SLC26A4: variants seen among roughly 807,000 people sequenced by gnomAD.
SLC26A4 encodes solute carrier family 26 member 4.
Under a neutral mutation model 90.4 loss-of-function variants are expected in SLC26A4, and 93 were observed. The observed-to-expected ratio is 1.03, with a 90% CI of 0.87 to 1.22. The LOEUF (loss-of-function observed/expected upper bound fraction) is 1.22, where lower values mean the gene tolerates loss of function less well. Ranked by LOEUF, SLC26A4 falls within the 50% of genes most tolerant of loss-of-function variation. The probability of loss-of-function intolerance (pLI) is 0.00; values close to 1 mark genes in which losing one functional copy is unlikely to be tolerated. For synonymous variants in SLC26A4, 393 were observed against 354.6 expected, an observed-to-expected ratio of 1.11 and a Z score of -1.22; for missense variants, 1,127 against 946.2, an observed-to-expected ratio of 1.19 and a Z score of -2.51.
intron 19 of SLC26A4, among the ~76,000 whole-genome samples, chr7:107,710,496 A>T (rs1349428934): frequency 6.6e-6 from 1 of 152,226 alleles, no homozygotes; most frequent in African/African-American, 2.4e-5. Context: ...CCTTTTAAGA[A>T]TATTGAATCT....
intron 11 of SLC26A4, 57 bp downstream of exon 11, chr7:107,694,537 C>G (rs1222525930): frequency 6.6e-7 from 1 of 1,520,926 alleles, no homozygotes; most frequent in Non-Finnish European, 9.1e-7. Context: ...TACTCTGCTA[C>G]CAGATAAATA....
chr7:107,665,862 T>A (rs903124194), intron 3 of SLC26A4, among the ~76,000 whole-genome samples: 1 of 152,218 alleles, frequency 6.6e-6, no homozygotes, highest in Non-Finnish European at 1.5e-5. Context: ...TAATCCGGTG[T>A]CTATTGTGTA....
intron 6 of SLC26A4, among the ~76,000 whole-genome samples, chr7:107,676,602 GC>G (rs1404991420): frequency 2.0e-5 from 3 of 152,188 alleles, no homozygotes; most frequent in African/African-American, 7.2e-5. Flanking sequence ...TGTCATCCTA[GC>G]TTGGGGGGAA....
rs542198527 is a variant in SLC26A4 at position 107,666,085 on chromosome 7, G to A, written c.304+2650G>A. On this transcript the variant is annotated intron_variant, in intron 3 of 20. Transcript: ENST00000644269. ...TAACAGGCACAGGTGCTGACTTCAT[G>A]GAGCTTTGTAAAATTATTTTGAGGG... Among the ~76,000 whole-genome samples the A allele has an allele frequency of 2.0e-5, 3 of 152,204 alleles. No individual in the cohort carries two copies. In the South Asian group the frequency reaches 6.2e-4, roughly 32 times the overall value.
intron 18 of SLC26A4, among the ~76,000 whole-genome samples, chr7:107,705,922 C>T (rs969833209): frequency 6.6e-6 from 1 of 152,200 alleles, no homozygotes; most frequent in Non-Finnish European, 1.5e-5. Flanking sequence ...GCATGAGATT[C>T]ATCTCTTGAA....
Position 107,686,443 on chromosome 7 carries a change from T to TTCTTTCTTTCTTTCTTTC in SLC26A4, c.1002-2597_1002-2596insCTTTCTCTTTCTTTCTTT, listed in dbSNP as rs1554358062. On this transcript the variant is annotated intron_variant, in intron 8 of 20. Coordinates refer to ENST00000644269, the MANE Select transcript of SLC26A4 (RefSeq NM_000441.2). Reference sequence around the variant, plus strand: ...TTTCTTTCTTTCTTTCTTTCTTTCTTTCTTTCTTTCTTTTCTTTCTTTCCT... The same window carrying TTCTTTCTTTCTTTCTTTC: ...TTTCTTTCTTTCTTTCTTTCTTTCTTTCTTTCTTTCTTTCTTTCTCTTTCTTTCTTTTCTTTCTTTCCT... 1.0e-4 allele frequency among the ~76,000 whole-genome samples: 15 copies of TTCTTTCTTTCTTTCTTTC among 146,776 alleles called. 1 individual carries two copies. The East Asian group carries it at 2.2e-3, about 22-fold the overall frequency.
chr7:107,683,598 T>A (rs900164734), intron 8 of SLC26A4, 61 bp downstream of exon 8: 3 of 1,314,122 alleles, frequency 2.3e-6, no homozygotes, highest in East Asian at 2.3e-5. Flanking sequence ...CTTTTTTATT[T>A]AAATAAAACC....
intron 3 of SLC26A4, among the ~76,000 whole-genome samples, chr7:107,670,378 A>C (rs1562821798): frequency 6.6e-6 from 1 of 151,888 alleles, no homozygotes; most frequent in Non-Finnish European, 1.5e-5. Context: ...AAGTGCTGGG[A>C]TTACAGGTGT....
chr7:107,698,147 T>C, intron 14 of SLC26A4, 36 bp downstream of exon 14: 1 of 1,355,992 alleles, frequency 7.4e-7, no homozygotes, highest in Non-Finnish European at 1.1e-6. Flanking sequence ...TGGACTTGGG[T>C]TTACTAGCCT....
In SLC26A4 at chr7:107,675,942, T is replaced by C. The variant is rs567810240; in HGVS notation, c.765+833T>C. On this transcript the variant is annotated intron_variant, in intron 6 of 20. Transcript: ENST00000644269. ...AACATTTGGTTGCTTCTGTCAGAAA[T>C]ACTATTGTACTTAAAAACATTAATG... 2.6e-5 allele frequency among the ~76,000 whole-genome samples: 4 copies of C among 152,326 alleles called. No homozygotes were observed. The South Asian group carries it at 8.3e-4, about 32-fold the overall frequency.
intron 6 of SLC26A4, 140 bp downstream of exon 6, chr7:107,675,249 T>C (rs1790990328): frequency 4.0e-6 from 3 of 744,406 alleles, no homozygotes; most frequent in Admixed American, 3.7e-5. Context: ...GCAGATTGCT[T>C]GAGCCCAGGA....
At chr7:107,685,853 GGTGTGTGTGTGTCTGTGTGTATGT>G in intron 8 of SLC26A4, among the ~76,000 whole-genome samples, 1 of 152,122 alleles carries the variant, frequency 6.6e-6, no homozygotes, top group Middle Eastern at 3.4e-3. Flanking sequence ...CTGTTATAGT[GGTGTGTGTGTGTCTGTGTGTATGT>G]GTGTGTGTGT....
At chr7:107,687,019 C>T (rs1300198347) in intron 8 of SLC26A4, among the ~76,000 whole-genome samples, 1 of 152,138 alleles carries the variant, frequency 6.6e-6, no homozygotes, top group Non-Finnish European at 1.5e-5. Flanking sequence ...GGTGCATTTG[C>T]CAAGTGTTCA....
intron 20 of SLC26A4, among the ~76,000 whole-genome samples, chr7:107,713,761 G>A (rs537351342): frequency 3.2e-4 from 48 of 152,100 alleles, no homozygotes; most frequent in African/African-American, 1.1e-3. Context: ...CTAAAGACTG[G>A]GGCATTTTCA....
chr7:107,684,361 A>C (rs1270542636), intron 8 of SLC26A4, among the ~76,000 whole-genome samples: 1 of 152,170 alleles, frequency 6.6e-6, no homozygotes, highest in Non-Finnish European at 1.5e-5. Flanking sequence ...TCTACCAGGA[A>C]AGGGAGTGGA....
chr7:107,661,365 AG>A lies in SLC26A4; in HGVS notation c.-3-270del. ...GTGGAACTCGGGAAGCCCCCAGAGC[AG>A]GGGCTTACTCGCTTCAAGTTTGGGG... is the stretch of plus-strand genomic sequence containing the variant. On this transcript the variant is annotated intron_variant, in intron 1 of 20. Transcript: ENST00000644269. The surrounding 1 kb of genome is among the most constrained non-coding windows in gnomAD (Gnocchi z 5.1). 1 of 563,638 alleles carries A rather than the reference AG, an allele frequency of 1.8e-6. No individual in the cohort carries two copies. Among genetic ancestry groups the A allele is most frequent in the Admixed American group, 3.1e-5 (1 of 32,564 alleles). The allele number at this position is 563,638 out of a possible 1,614,324, so 34.9% of individuals were successfully genotyped here. A position where few individuals can be genotyped will look rare whatever the true frequency, so the allele number is the denominator to read the frequency against.
chr7:107,693,720 T>C, intron 10 of SLC26A4: 2 of 992,620 alleles, frequency 2.0e-6, no homozygotes, highest in Non-Finnish European at 2.4e-6. Flanking sequence ...AAGCTTCCTT[T>C]TACCCCTGCT....
intron 15 of SLC26A4, 36 bp from the exon 16 acceptor site, chr7:107,701,065 C>T: frequency 2.4e-6 from 3 of 1,258,008 alleles, no homozygotes; most frequent in Non-Finnish European, 3.5e-6. Flanking sequence ...CTTTAGGTGC[C>T]AGGCATTTTA....
At position 107,702,027 on chromosome 7, in the gene SLC26A4, G is replaced by A; in HGVS notation, c.2004G>A (p.Leu668=). The change falls in exon 17 of 21, where the codon CTG becomes CTA. Residue 668 remains leucine (L), a synonymous_variant. Transcript: ENST00000644269. ...LVLDCGAISF[L]DVVGVRSLRV... ...TTGACTGTGGAGCTATATCTTTCCT[G>A]GACGTTGTTGGAGTGAGATCACTGC... 1 of 1,613,636 alleles carries A rather than the reference G, an allele frequency of 6.2e-7. No homozygotes were observed. Among genetic ancestry groups the A allele is most frequent in the South Asian group, 1.1e-5 (1 of 91,076 alleles).
Sources: allele counts gnomAD v4.1 joint callset (sites outside exome capture counted in the v4.1 genomes callset), GRCh38; gene constraint gnomAD v4.1.1; non-coding constraint Gnocchi (gnomAD v3.1); transcripts MANE v1.5; gene names NCBI Gene and HGNC (gene_info 2026-07-23, HGNC 2026-07-21).